Variants in ACSL5 observed in about 807,000 individuals in gnomAD.
ACSL5 encodes the protein long-chain-fatty-acid--CoA ligase 5.
Under a neutral mutation model 84.9 loss-of-function variants are expected in ACSL5, and 50 were observed. The observed-to-expected ratio is 0.59, with a 90% CI of 0.47 to 0.75. The LOEUF is 0.75. Ranked by LOEUF, ACSL5 falls within the 30% of genes least tolerant of loss-of-function variation. ACSL5 has a pLI of 0.00. For missense variants in ACSL5, 775 were observed against 830.4 expected, an observed-to-expected ratio of 0.93 and a Z score of 0.82; for synonymous variants, 280 against 300.7, an observed-to-expected ratio of 0.93 and a Z score of 0.71.
At chr10:112,414,004 C>G (rs1844253158) in intron 12 of ACSL5, among the ~76,000 whole-genome samples, 1 of 152,144 alleles carries the variant, frequency 6.6e-6, no homozygotes. Flanking sequence ...AAATGAGCCT[C>G]AGAGGTTAAA....
intron 1 of ACSL5, among the ~76,000 whole-genome samples, chr10:112,389,492 T>G (rs1050598525): frequency 3.3e-5 from 5 of 152,190 alleles, no homozygotes; most frequent in African/African-American, 1.2e-4. Context: ...ATTTGTATAT[T>G]ACGTGAAACA....
intron 1 of ACSL5, among the ~76,000 whole-genome samples, chr10:112,380,128 G>C (rs780042250): frequency 2.0e-5 from 3 of 152,174 alleles, no homozygotes; most frequent in Non-Finnish European, 4.4e-5. Context: ...CCGGGGTCGG[G>C]ATTTGGACTG....
At chr10:112,405,174 G>T (rs900625800) in intron 5 of ACSL5, among the ~76,000 whole-genome samples, 2 of 152,154 alleles carry the variant, frequency 1.3e-5, no homozygotes, top group African/African-American at 4.8e-5. Context: ...ATTTGTAATT[G>T]AACTAGTAAA....
chr10:112,381,968 C>T (rs531795429), intron 1 of ACSL5, among the ~76,000 whole-genome samples: 1 of 152,250 alleles, frequency 6.6e-6, no homozygotes, highest in African/African-American at 2.4e-5. Context: ...GCCACACAGA[C>T]ACTTCTCCAG....
chr10:112,424,217 C>T (rs555876425), intron 17 of ACSL5, among the ~76,000 whole-genome samples: 61 of 152,278 alleles, frequency 4.0e-4, no homozygotes, highest in African/African-American at 1.4e-3. Flanking sequence ...GCAGTAGTTG[C>T]TATTAGTTTT....
chr10:112,418,509 C>G (rs2616604), intron 14 of ACSL5, among the ~76,000 whole-genome samples: 139,071 of 152,074 alleles, frequency 0.91, 63,676 homozygotes, highest in East Asian at 0.99. Flanking sequence ...GTGAACCCGG[C>G]AGGTGGAGCT....
chr10:112,422,460 C>T lies in ACSL5; in HGVS notation c.1593+19C>T. ...GCTCCCGGTAGGTATATCATCAGAA[C>T]TCCTGGAAGTCTATGCTAATGGACT... On this transcript the variant is annotated intron_variant, in intron 17 of 20. Transcript: ENST00000354655. 1.2e-6 allele frequency: 2 copies of T among 1,602,544 alleles called. No homozygotes were observed.
intron 17 of ACSL5, 63 bp downstream of exon 17, chr10:112,422,504 A>T: frequency 6.7e-6 from 10 of 1,485,406 alleles, no homozygotes; most frequent in Non-Finnish European, 9.3e-6. Flanking sequence ...CAATCTGCTT[A>T]TAGCAAGAGG....
At chr10:112,391,787 T>C (rs534200251) in intron 1 of ACSL5, among the ~76,000 whole-genome samples, 1 of 152,326 alleles carries the variant, frequency 6.6e-6, no homozygotes, top group African/African-American at 2.4e-5. Context: ...TTCTGGATTA[T>C]CTAGGGAGGG....
chr10:112,403,414 G>A (rs1281453822), intron 3 of ACSL5, among the ~76,000 whole-genome samples: 1 of 152,184 alleles, frequency 6.6e-6, no homozygotes. Context: ...AGCCTCCCCA[G>A]TAGCTGGAAT....
chr10:112,400,025 T>C (rs1256165748), intron 3 of ACSL5, among the ~76,000 whole-genome samples: 1 of 152,174 alleles, frequency 6.6e-6, no homozygotes, highest in Non-Finnish European at 1.5e-5. Context: ...AATGAAAGAT[T>C]TATTGTCAAG....
At chr10:112,425,612 A>T in intron 18 of ACSL5, 131 bp downstream of exon 18, 1 of 785,646 alleles carries the variant, frequency 1.3e-6, no homozygotes, top group East Asian at 3.2e-5. Context: ...AAAAAAAAAA[A>T]TGAAGTTACA....
At chr10:112,427,069 TAAA>T (rs1300417092) in intron 20 of ACSL5, 146 bp from the exon 21 acceptor site, 1 of 947,296 alleles carries the variant, frequency 1.1e-6, no homozygotes. Flanking sequence ...ATTACTTTCT[TAAA>T]TTATGTTTGT....
chr10:112,427,253 C>A lies in ACSL5; in HGVS notation c.1947C>A (p.Ser649=). The A allele has an allele frequency of 6.2e-7, 1 of 1,613,370 alleles. No homozygotes were observed. Residue 649 remains serine (S), a synonymous_variant, in exon 21 of 21, where the codon TCC becomes TCA. Transcript: ENST00000354655. The part of the protein sequence containing the change: ...KAIFLHPEPF[S]IENGLLTPTL... ...TTTTTCTTCATCCAGAGCCATTTTC[C>A]ATTGAAAATGGGCTCTTGACACCAA...
In ACSL5 at chr10:112,426,729, G is replaced by C; in HGVS notation, c.1840-59G>C. The C allele has an allele frequency of 2.0e-6, 3 of 1,504,628 alleles. No homozygotes were observed. The South Asian group carries it at 3.4e-5, about 17-fold the overall frequency. The allele number at this position is 1,504,628 out of a possible 1,614,324, so 93.2% of individuals were successfully genotyped here. A position where few individuals can be genotyped will look rare whatever the true frequency, so the allele number is the denominator to read the frequency against. ...TGACAGGCACTTTGAGTTGGTTCATGCTTAGCCCTTCAGGCTTTTTGAAAC... is the reference window on the plus strand; with the variant it reads ...TGACAGGCACTTTGAGTTGGTTCATCCTTAGCCCTTCAGGCTTTTTGAAAC... On this transcript the variant is annotated intron_variant, in intron 19 of 20. Coordinates refer to ENST00000354655, the MANE Select transcript of ACSL5 (RefSeq NM_203379.2).
chr10:112,396,465 T>G (rs1489341968), intron 2 of ACSL5: 1 of 152,188 alleles, frequency 6.6e-6, no homozygotes, highest in Non-Finnish European at 1.5e-5. Context: ...TGTGTTCCGA[T>G]AAAAGTTTAC....
At chr10:112,382,950 A>G (rs1438054500) in intron 1 of ACSL5, among the ~76,000 whole-genome samples, 1 of 151,904 alleles carries the variant, frequency 6.6e-6, no homozygotes, top group Non-Finnish European at 1.5e-5. Context: ...TGCTCTGTCC[A>G]CCACCTCTCG....
chr10:112,387,987 G>GGAGT (rs1258746995), intron 1 of ACSL5, among the ~76,000 whole-genome samples: 1 of 134,566 alleles, frequency 7.4e-6, no homozygotes, highest in African/African-American at 2.8e-5. Flanking sequence ...CACCCAGGCT[G>GGAGT]GAGTGCAGTG....
chr10:112,413,431 T>A (rs1844233990), intron 12 of ACSL5, 124 bp downstream of exon 12: 2 of 1,239,596 alleles, frequency 1.6e-6, no homozygotes, highest in Non-Finnish European at 2.3e-6. Flanking sequence ...AAGCCGTGTG[T>A]AAATACAATC....
Sources: gnomAD v4.1 joint callset for allele counts (sites outside exome capture counted in the v4.1 genomes callset) on GRCh38, gnomAD v4.1.1 for gene constraint, MANE v1.5 for transcripts, NCBI Gene and HGNC (gene_info 2026-07-23, HGNC 2026-07-21) for gene names.